The following ATP13A5 variants were observed in gnomAD, a reference collection of about 807,000 sequenced individuals.
ATP13A5 encodes probable cation-transporting ATPase 13A5.
Under a neutral mutation model 150.2 loss-of-function variants are expected in ATP13A5, and 149 were observed. That is an observed-to-expected ratio of 0.99 (90% CI 0.87 to 1.14). The LOEUF is 1.14. Among genes scored for constraint, ATP13A5 ranks in the 50% most tolerant of loss-of-function variants. The pLI is 0.00. For missense variants in ATP13A5, 1,383 were observed against 1,449.3 expected, an observed-to-expected ratio of 0.95 and a Z score of 0.74; for synonymous variants, 497 against 522.2, an observed-to-expected ratio of 0.95 and a Z score of 0.66.
chr3:193,334,062 C>A (rs1711750741), intron 10 of ATP13A5, among the ~76,000 whole-genome samples, 155 bp from the exon 11 acceptor site: 1 of 152,134 alleles, frequency 6.6e-6, no homozygotes, highest in Non-Finnish European at 1.5e-5. Flanking sequence ...TGATTTTTAA[C>A]CATGAGCTTC....
In ATP13A5 at chr3:193,275,969, T is replaced by TA. The variant is rs577699110; in HGVS notation, c.3397-668dup. Among the ~76,000 whole-genome samples the TA allele has an allele frequency of 6.7e-3, 1,017 of 152,288 alleles. 8 individuals carry two copies. The highest frequency in any genetic ancestry group is 0.01 in the Non-Finnish European group (682 of 68,002). On this transcript the variant is annotated intron_variant, in intron 29 of 29. Coordinates refer to ENST00000342358, the MANE Select transcript of ATP13A5 (RefSeq NM_198505.4). ...TTCCTCAAATCGCTGTATAGCTATT[T>TA]AAACAAACAGCATCTCAACAACACT...
rs1042465137 is a variant in ATP13A5 at position 193,301,319 on chromosome 3, G to T, written c.2679-12C>A. On this transcript the variant is annotated splice_polypyrimidine_tract_variant and intron_variant, in intron 23 of 29. Transcript: ENST00000342358. Reference sequence around the variant, plus strand: ...CAGCTCGGCCTTCTCTGTTTAAAAAGAAATAAAAATAAAAATTGGTTATGT... The same window carrying T: ...CAGCTCGGCCTTCTCTGTTTAAAAATAAATAAAAATAAAAATTGGTTATGT... 31 of 1,594,666 alleles carry T rather than the reference G, an allele frequency of 1.9e-5. No homozygotes were observed. The highest frequency in any genetic ancestry group is 2.5e-5 in the Non-Finnish European group (29 of 1,171,952).
intron 12 of ATP13A5, among the ~76,000 whole-genome samples, chr3:193,329,248 A>G (rs1711537145): frequency 6.6e-6 from 1 of 152,056 alleles, no homozygotes; most frequent in Non-Finnish European, 1.5e-5. Context: ...TCAAAAGAAA[A>G]AAAAAAAAAG....
intron 16 of ATP13A5, among the ~76,000 whole-genome samples, chr3:193,321,224 T>C (rs577407982): frequency 6.6e-6 from 1 of 152,284 alleles, no homozygotes; most frequent in South Asian, 2.1e-4. Context: ...CTCCCAGCCT[T>C]GAAATTATCA....
intron 7 of ATP13A5, 135 bp downstream of exon 7, chr3:193,350,932 T>G: frequency 1.0e-6 from 1 of 954,250 alleles, no homozygotes; most frequent in Non-Finnish European, 1.5e-6. Flanking sequence ...TGTCATCCCA[T>G]ATTTGGTAAG....
intron 20 of ATP13A5, among the ~76,000 whole-genome samples, chr3:193,311,025 A>T (rs1276890951): frequency 6.6e-6 from 1 of 152,222 alleles, no homozygotes; most frequent in East Asian, 1.9e-4. Context: ...ATGCTTGAGG[A>T]AACACAGTTC....
Position 193,360,300 on chromosome 3 carries a change from C to A in ATP13A5, c.536+2081G>T, listed in dbSNP as rs1469382972. 2.0e-5 allele frequency among the ~76,000 whole-genome samples: 3 copies of A among 152,000 alleles called. No homozygotes were observed. The East Asian group carries it at 5.8e-4, about 29-fold the overall frequency. On this transcript the variant is annotated intron_variant, in intron 5 of 29. Coordinates refer to ENST00000342358, the MANE Select transcript of ATP13A5 (RefSeq NM_198505.4). ...TGAGAACTATGTAAATCTGCATTTT[C>A]TCTCTCTACCCAGCTGCTAGGGAGC...
At chr3:193,376,892 G>A (rs565671547) in intron 1 of ATP13A5, among the ~76,000 whole-genome samples, 3 of 152,252 alleles carry the variant, frequency 2.0e-5, no homozygotes, top group African/African-American at 7.2e-5. Context: ...TTGCATCTGT[G>A]CTCTACGCCC....
In ATP13A5 at chr3:193,334,923, A is replaced by G. The variant is rs369409315; in HGVS notation, c.1114+6T>C. 43 of 1,611,900 alleles carry G rather than the reference A, an allele frequency of 2.7e-5. No homozygotes were observed. In the South Asian group the frequency reaches 3.9e-4, roughly 14 times the overall value. ...AATTAAACTTACAAAAGTGGAATCCACTAACCTGTTTGCAAAACGACTGCT... is the reference window on the plus strand; with the variant it reads ...AATTAAACTTACAAAAGTGGAATCCGCTAACCTGTTTGCAAAACGACTGCT... On this transcript the variant is annotated splice_donor_region_variant and intron_variant, in intron 10 of 29. Transcript: ENST00000342358.
At chr3:193,281,551 T>G (rs908401546) in intron 27 of ATP13A5, among the ~76,000 whole-genome samples, 1 of 152,200 alleles carries the variant, frequency 6.6e-6, no homozygotes, top group Non-Finnish European at 1.5e-5. Context: ...AGGTTAGTAA[T>G]GTTCACATTT....
Position 193,333,887 on chromosome 3 carries a change from C to A in ATP13A5, c.1135G>T (p.Asp379Tyr), listed in dbSNP as rs1451166060. 6.2e-7 allele frequency: 1 copy of A among 1,613,532 alleles called. No homozygotes were observed. Among genetic ancestry groups the A allele is most frequent in the Admixed American group, 1.7e-5 (1 of 59,954 alleles). Residue 379 changes from aspartate to tyrosine, a missense_variant, in exon 11 of 30, where the codon GAC becomes TAC. By Grantham distance (160) the Asp-to-Tyr change is radical. Coordinates refer to ENST00000342358, the MANE Select transcript of ATP13A5 (RefSeq NM_198505.4). ...GGGTACAGGATGGATCTCACTAAGT[C>A]CCCTTTGGCTGTATTGTAACCTACA... ...LQTGYNTAKG[D>Y]LVRSILYPRP...
chr3:193,364,461 T>C (rs904484722), intron 1 of ATP13A5, among the ~76,000 whole-genome samples, 181 bp from the exon 2 acceptor site: 2 of 152,128 alleles, frequency 1.3e-5, no homozygotes, highest in Non-Finnish European at 2.9e-5. Flanking sequence ...AAAGAAGGAC[T>C]TATTTTACTA....
At chr3:193,348,732 T>A (rs1712448577) in intron 7 of ATP13A5, among the ~76,000 whole-genome samples, 1 of 152,214 alleles carries the variant, frequency 6.6e-6, no homozygotes, top group Admixed American at 6.5e-5. Context: ...AATAATGAAC[T>A]TCAATGTAGC....
chr3:193,363,228 T>C lies in ATP13A5; in HGVS notation c.384+8A>G. ...CATGCATAACACCATACCCTTCAAG[T>C]AACTTACTTTTAATTCTGGCTTTAT... On this transcript the variant is annotated splice_region_variant and intron_variant, in intron 3 of 29. Coordinates refer to ENST00000342358, the MANE Select transcript of ATP13A5 (RefSeq NM_198505.4). 1 of 1,611,550 alleles carries C rather than the reference T, an allele frequency of 6.2e-7. No individual in the cohort carries two copies. The highest frequency in any genetic ancestry group is 1.3e-5 in the African/African-American group (1 of 74,960).
intron 2 of ATP13A5, 39 bp downstream of exon 2, chr3:193,364,067 CG>C: frequency 6.2e-7 from 1 of 1,601,088 alleles, no homozygotes; most frequent in Non-Finnish European, 8.5e-7. Context: ...ACAGAAGACA[CG>C]ATCATGGCTT....
At chr3:193,375,256 A>G (rs757518659) in intron 1 of ATP13A5, among the ~76,000 whole-genome samples, 6 of 152,320 alleles carry the variant, frequency 3.9e-5, no homozygotes, top group African/African-American at 7.2e-5. Flanking sequence ...AATCCTCACC[A>G]CAATCCCAAA....
intron 13 of ATP13A5, 41 bp downstream of exon 13, chr3:193,326,955 C>G: frequency 3.2e-6 from 5 of 1,574,072 alleles, no homozygotes; most frequent in Non-Finnish European, 2.6e-6. Context: ...ATCCAGGTAA[C>G]TCCACCAAAC....
rs774845166 is a variant in ATP13A5 at position 193,325,026 on chromosome 3, G to A, written c.1524-12C>T. ...GGGCTTCCTGGAAGCTGGTAGAGAA[G>A]GTAATGTTAAAGTCTTTGATAAAAT... On this transcript the variant is annotated splice_polypyrimidine_tract_variant and intron_variant, in intron 13 of 29. Transcript: ENST00000342358. The A allele has an allele frequency of 9.0e-5, 145 of 1,606,972 alleles. No individual in the cohort carries two copies. Among genetic ancestry groups the A allele is most frequent in the Non-Finnish European group, 1.2e-4 (142 of 1,176,914 alleles).
intron 5 of ATP13A5, 67 bp from the exon 6 acceptor site, chr3:193,354,263 C>T (rs2108893506): frequency 7.2e-7 from 1 of 1,382,596 alleles, no homozygotes; most frequent in South Asian, 1.3e-5. Flanking sequence ...ACAGGCCAAA[C>T]TAAACAGAAG....
Sources: allele counts gnomAD v4.1 joint callset (sites outside exome capture counted in the v4.1 genomes callset), GRCh38; gene constraint gnomAD v4.1.1; transcripts MANE v1.5; gene names NCBI Gene and HGNC (gene_info 2026-07-23, HGNC 2026-07-21).